SNX2: variants seen among roughly 807,000 people sequenced by gnomAD.
SNX2 encodes the protein sorting nexin 2, also known as sorting nexin-2.
A neutral mutation model predicts 69.9 loss-of-function variants in SNX2; 25 were observed. The ratio of observed to expected loss-of-function variants is 0.36; its 90% CI spans 0.26 to 0.50. The LOEUF is 0.50. SNX2 is among the 20% of genes least tolerant of loss of function. The pLI is 0.97. For synonymous variants in SNX2, 229 were observed against 200.4 expected (o/e 1.14, Z -1.20); for missense variants, 551 against 613.3 (o/e 0.90, Z 1.07).
chr5:122,801,502 G>A (rs1753509574), intron 3 of SNX2, among the ~76,000 whole-genome samples: 1 of 151,918 alleles, frequency 6.6e-6, no homozygotes, highest in Admixed American at 6.6e-5. Flanking sequence ...CTACTTGAGA[G>A]GCCAAGGCAT....
At chr5:122,802,221 T>A in intron 5 of SNX2, 97 bp downstream of exon 5, 1 of 1,062,042 alleles carries the variant, frequency 9.4e-7, no homozygotes, top group Non-Finnish European at 1.5e-6. Flanking sequence ...CCTGTCTTTA[T>A]AAAGGTTACC....
At chr5:122,804,760 A>G (rs1424830521) in intron 6 of SNX2, among the ~76,000 whole-genome samples, 1 of 152,156 alleles carries the variant, frequency 6.6e-6, no homozygotes, top group Non-Finnish European at 1.5e-5. Context: ...ATTAAAAGAC[A>G]TCTGTCATCT....
Position 122,803,490 on chromosome 5 carries a change from A to G in SNX2, c.520A>G (p.Ser174Gly), listed in dbSNP as rs1170418495. 1 of 1,610,494 alleles carries G rather than the reference A, an allele frequency of 6.2e-7. No individual in the cohort carries two copies. The highest frequency in any genetic ancestry group is 1.7e-5 in the Admixed American group (1 of 59,522). ...CTTGTAGACATCTCTTTCCATGTTC[A>G]GTAAGAGTGAATTTTCAGTGAAAAG... ...VTTKTSLSMF[S>G]KSEFSVKRRF... Residue 174 changes from serine to glycine, a missense_variant, in exon 6 of 15, where the codon AGT becomes GGT. By Grantham distance (56) the Ser-to-Gly change is moderately conservative. Coordinates refer to ENST00000379516, the MANE Select transcript of SNX2 (RefSeq NM_003100.4).
intron 2 of SNX2, among the ~76,000 whole-genome samples, chr5:122,797,314 A>T (rs1753402838): frequency 1.3e-5 from 2 of 152,174 alleles, no homozygotes; most frequent in African/African-American, 2.4e-5. Flanking sequence ...TGTTTGTTTT[A>T]AAAAAAGAGA....
chr5:122,795,160 T>G (rs989941749), intron 1 of SNX2, 106 bp from the exon 2 acceptor site: 1 of 703,554 alleles, frequency 1.4e-6, no homozygotes, highest in African/African-American at 1.8e-5. Context: ...TCTTGTTCTT[T>G]CCTCCATTCT....
rs1293777616 is a variant in SNX2 at position 122,832,143 on chromosome 5, A to G, written c.*2495A>G. On this transcript the variant is annotated 3_prime_UTR_variant, in exon 15 of 15. Coordinates refer to ENST00000379516, the MANE Select transcript of SNX2 (RefSeq NM_003100.4). ...TTTGTTTGTTTTCTTAATGAGATCAAAAGTTAAAGACCAAGGCAGCAAAAT... is the reference window on the plus strand; with the variant it reads ...TTTGTTTGTTTTCTTAATGAGATCAGAAGTTAAAGACCAAGGCAGCAAAAT... 6.6e-6 allele frequency among the ~76,000 whole-genome samples: 1 copy of G among 152,222 alleles called. No individual in the cohort carries two copies. The highest frequency in any genetic ancestry group is 2.4e-5 in the African/African-American group (1 of 41,462).
Position 122,832,931 on chromosome 5 carries a change from G to C in SNX2, c.*3283G>C, listed in dbSNP as rs1175453923. 2 of 152,174 alleles carry C rather than the reference G, an allele frequency of 1.3e-5. No homozygotes were observed. Among genetic ancestry groups the C allele is most frequent in the East Asian group, 3.8e-4 (2 of 5,200 alleles). The allele number at this position is 152,174 out of a possible 1,614,324, so 9.4% of individuals were successfully genotyped here. ...CAAAGTCATTTTGTTTTAAAGGAAG[G>C]GAGGTTGCTGGTAGTTAGGTGGGAA... On this transcript the variant is annotated 3_prime_UTR_variant, in exon 15 of 15. Transcript: ENST00000379516.
chr5:122,810,161 G>C (rs965324844), intron 7 of SNX2, among the ~76,000 whole-genome samples: 2 of 150,368 alleles, frequency 1.3e-5, no homozygotes, highest in African/African-American at 4.9e-5. Context: ...ATGGATTAAG[G>C]GCGGTGCAAG....
At chr5:122,806,485 C>T (rs1431289362) in intron 6 of SNX2, among the ~76,000 whole-genome samples, 1 of 151,944 alleles carries the variant, frequency 6.6e-6, no homozygotes, top group African/African-American at 2.4e-5. Context: ...TAGCACGTAA[C>T]TCTCTACTTT....
rs1003578930 is a variant in SNX2, at chr5:122,824,677, T to A, written c.1213-1373T>A. Among the ~76,000 whole-genome samples, 23 of 152,212 alleles carry A rather than the reference T, an allele frequency of 1.5e-4. 1 individual carries two copies. In the East Asian group the frequency reaches 1.9e-3, roughly 13 times the overall value. ...ATGCTTTGGTTTCTGGTTGATTGGA[T>A]TTTTTAATGCTATTATCACATTTTT... On this transcript the variant is annotated intron_variant, in intron 11 of 14. Transcript: ENST00000379516.
intron 7 of SNX2, among the ~76,000 whole-genome samples, chr5:122,814,356 A>G (rs1385179393): frequency 6.6e-6 from 1 of 152,218 alleles, no homozygotes; most frequent in Non-Finnish European, 1.5e-5. Context: ...GCTTCATAAT[A>G]TAGGTAGCAA....
chr5:122,791,301 A>G (rs1301970496), intron 1 of SNX2, among the ~76,000 whole-genome samples: 1 of 149,438 alleles, frequency 6.7e-6, no homozygotes, highest in African/African-American at 2.5e-5. Flanking sequence ...TTTTTTTTTG[A>G]GATGGAGTCT....
At chr5:122,816,785 G>GA in intron 8 of SNX2, 130 bp from the exon 9 acceptor site, 1 of 496,226 alleles carries the variant, frequency 2.0e-6, no homozygotes, top group Non-Finnish European at 3.6e-6. Context: ...TGAGAGTGAA[G>GA]AAAATACAAC....
intron 11 of SNX2, among the ~76,000 whole-genome samples, chr5:122,825,623 C>T (rs2150018014): frequency 6.6e-6 from 1 of 151,888 alleles, no homozygotes; most frequent in South Asian, 2.1e-4. Flanking sequence ...GAGTTTTTCC[C>T]ATTTTGTCTT....
chr5:122,828,423 G>A (rs1014633135), intron 14 of SNX2, among the ~76,000 whole-genome samples: 1 of 151,996 alleles, frequency 6.6e-6, no homozygotes, highest in Admixed American at 6.6e-5. Context: ...TTTTAAACAT[G>A]ACTTCAGTTG....
intron 11 of SNX2, among the ~76,000 whole-genome samples, chr5:122,822,361 G>T (rs1754044133): frequency 6.6e-6 from 1 of 152,204 alleles, no homozygotes; most frequent in Non-Finnish European, 1.5e-5. Context: ...GGGATTACAG[G>T]CATGAGCCAC....
At chr5:122,803,680 T>C in intron 6 of SNX2, 67 bp downstream of exon 6, 6 of 1,280,732 alleles carry the variant, frequency 4.7e-6, no homozygotes, top group Non-Finnish European at 5.4e-6. Context: ...CTGTATAGAT[T>C]TGTGGATTTC....
intron 10 of SNX2, among the ~76,000 whole-genome samples, chr5:122,818,345 T>G (rs966419159): frequency 2.0e-5 from 3 of 152,196 alleles, no homozygotes; most frequent in Non-Finnish European, 4.4e-5. Flanking sequence ...TTATGTTAAT[T>G]GTGTATATAA....
At chr5:122,808,634 CAT>C (rs1407878850) in intron 7 of SNX2, 1 of 207,678 alleles carries the variant, frequency 4.8e-6, no homozygotes, top group Admixed American at 5.7e-5. Context: ...TAATAGAAAA[CAT>C]ATAAAGACAT....
Sources: gnomAD v4.1 joint callset for allele counts (sites outside exome capture counted in the v4.1 genomes callset) on GRCh38, gnomAD v4.1.1 for gene constraint, MANE v1.5 for transcripts, NCBI Gene and HGNC (gene_info 2026-07-23, HGNC 2026-07-21) for gene names.